The following CCSER1 variants were observed in gnomAD, a reference collection of about 807,000 sequenced individuals.
CCSER1 encodes serine-rich coiled-coil domain-containing protein 1.
Under a neutral mutation model 82.0 loss-of-function variants are expected in CCSER1, and 41 were observed. The observed-to-expected ratio is 0.50, with a 90% CI of 0.39 to 0.65. CCSER1 has a LOEUF of 0.65. CCSER1 is among the 30% of genes least tolerant of loss of function. The probability of loss-of-function intolerance (pLI) is 0.00; values close to 1 mark genes in which losing one functional copy is unlikely to be tolerated. For synonymous variants in CCSER1, 414 were observed against 383.9 expected (o/e 1.08, Z -0.92); for missense variants, 1,119 against 1,064.2 (o/e 1.05, Z -0.72).
At chr4:91,500,170 T>TA (rs1431257284) in intron 10 of CCSER1, among the ~76,000 whole-genome samples, 1 of 152,006 alleles carries the variant, frequency 6.6e-6, no homozygotes, top group East Asian at 1.9e-4. Flanking sequence ...GCCACTCTAT[T>TA]AAGTGTGTAG....
chr4:90,473,623 T>C (rs531524545), intron 5 of CCSER1, among the ~76,000 whole-genome samples: 8 of 152,340 alleles, frequency 5.3e-5, no homozygotes, highest in African/African-American at 1.7e-4. Context: ...TAGAGGGTAC[T>C]TAACACACAG....
chr4:90,718,838 GACGAGTCCCAT>G (rs1411637360), intron 6 of CCSER1, among the ~76,000 whole-genome samples: 1 of 152,080 alleles, frequency 6.6e-6, no homozygotes, highest in Non-Finnish European at 1.5e-5. Flanking sequence ...AGACAGTACA[GACGAGTCCCAT>G]AAACTCCTGA....
intron 8 of CCSER1, among the ~76,000 whole-genome samples, chr4:90,893,681 G>T (rs535484901): frequency 3.3e-5 from 5 of 151,542 alleles, no homozygotes; most frequent in Admixed American, 1.3e-4. Flanking sequence ...TCCTTATTTT[G>T]TTCTCAGCAT....
intron 10 of CCSER1, among the ~76,000 whole-genome samples, chr4:91,339,620 A>G (rs1248894735): frequency 6.6e-6 from 1 of 152,080 alleles, no homozygotes; most frequent in Non-Finnish European, 1.5e-5. Context: ...ATCCTCTCAG[A>G]TTTCAGTACC....
intron 9 of CCSER1, among the ~76,000 whole-genome samples, chr4:91,053,952 T>C (rs1480369986): frequency 6.6e-6 from 1 of 152,214 alleles, no homozygotes; most frequent in Non-Finnish European, 1.5e-5. Flanking sequence ...GAGGGACATG[T>C]GGATCAGTCC....
rs558795378 is a variant in CCSER1, at chr4:90,250,961, A to T, written c.-41-57283A>T. ...TTGTGAATGCTACTGTAAATGGAGG[A>T]CTATTTTCTTAACTCATTTTTAGAT... On this transcript the variant is annotated intron_variant, in intron 1 of 10. Transcript: ENST00000509176. Among the ~76,000 whole-genome samples, 4 of 151,886 alleles carry T rather than the reference A, an allele frequency of 2.6e-5. No homozygotes were observed. In the South Asian group the frequency reaches 8.3e-4, roughly 32 times the overall value.
rs9990949 is a variant in CCSER1, at chr4:90,224,290, G to A, written c.-41-83954G>A. On this transcript the variant is annotated intron_variant, in intron 1 of 10. Coordinates refer to ENST00000509176, the MANE Select transcript of CCSER1 (RefSeq NM_001145065.2). The stretch of plus-strand genomic sequence containing the variant: ...TGCATTTTATTCACTTTTTCCCAAT[G>A]CCCCTTTCTATTATCATTGCTTTGT... Among the ~76,000 whole-genome samples the A allele has an allele frequency of 6.8e-3, 1,041 of 152,228 alleles. 9 individuals are homozygous for A. Among genetic ancestry groups the A allele is most frequent in the African/African-American group, 0.024 (1,007 of 41,548 alleles).
At chr4:90,355,225 A>G (rs954554536) in intron 3 of CCSER1, among the ~76,000 whole-genome samples, 32 of 152,014 alleles carry the variant, frequency 2.1e-4, no homozygotes, top group African/African-American at 7.0e-4. Flanking sequence ...AATGGCACAC[A>G]TTCTTCCTAT....
At chr4:90,971,343 A>T (rs541836000) in intron 9 of CCSER1, among the ~76,000 whole-genome samples, 38 of 151,912 alleles carry the variant, frequency 2.5e-4, no homozygotes, top group Non-Finnish European at 2.5e-4. Flanking sequence ...ACACTTTTAA[A>T]CAACCAGATC....
At chr4:90,633,630 C>A (rs1390677104) in intron 6 of CCSER1, among the ~76,000 whole-genome samples, 1 of 151,916 alleles carries the variant, frequency 6.6e-6, no homozygotes, top group African/African-American at 2.4e-5. Context: ...ATTGCAATTT[C>A]AGAGGAAAAG....
intron 5 of CCSER1, among the ~76,000 whole-genome samples, chr4:90,550,386 T>A (rs577010654): frequency 1.3e-5 from 2 of 152,336 alleles, no homozygotes; most frequent in East Asian, 1.9e-4. Flanking sequence ...CTTTATTTAC[T>A]TAGTAATCCT....
At chr4:90,254,324 C>T (rs2153443753) in intron 1 of CCSER1, among the ~76,000 whole-genome samples, 1 of 152,272 alleles carries the variant, frequency 6.6e-6, no homozygotes, top group South Asian at 2.1e-4. Flanking sequence ...GGAAGTCGCT[C>T]ACTTCTCTAG....
chr4:90,293,425 A>G (rs1731287433), intron 1 of CCSER1, among the ~76,000 whole-genome samples: 1 of 151,498 alleles, frequency 6.6e-6, no homozygotes, highest in African/African-American at 2.4e-5. Flanking sequence ...AAAAGATTTA[A>G]TTTGTTAATA....
chr4:90,511,231 A>G (rs1477991172), intron 5 of CCSER1, among the ~76,000 whole-genome samples: 1 of 152,154 alleles, frequency 6.6e-6, no homozygotes, highest in Non-Finnish European at 1.5e-5. Flanking sequence ...CATCCTGGCC[A>G]ACATGGTGAA....
intron 1 of CCSER1, among the ~76,000 whole-genome samples, chr4:90,142,136 G>T (rs1724907336): frequency 6.6e-6 from 1 of 152,114 alleles, no homozygotes; most frequent in Non-Finnish European, 1.5e-5. Flanking sequence ...ATATGGATTT[G>T]TCTGCCTGGC....
intron 9 of CCSER1, among the ~76,000 whole-genome samples, chr4:90,943,729 A>ATTTTTTT (rs70965460): frequency 1.9e-4 from 13 of 68,852 alleles, no homozygotes; most frequent in South Asian, 5.4e-4. Flanking sequence ...TGCCAGGCTA[A>ATTTTTTT]TTTTTTTTTT....
At chr4:90,778,539 A>C (rs989672407) in intron 7 of CCSER1, among the ~76,000 whole-genome samples, 4 of 150,232 alleles carry the variant, frequency 2.7e-5, no homozygotes, top group African/African-American at 4.9e-5. Context: ...AAAAAAAAAA[A>C]ACACAAAAAG....
At position 90,882,154 on chromosome 4, in the gene CCSER1, C is replaced by G. The variant is rs114798780; in HGVS notation, c.2095-41216C>G. Among the ~76,000 whole-genome samples the G allele has an allele frequency of 4.9e-3, 747 of 152,106 alleles. 3 individuals are homozygous for G. The highest frequency in any genetic ancestry group is 7.6e-3 in the Non-Finnish European group (518 of 67,972). On this transcript the variant is annotated intron_variant, in intron 8 of 10. Coordinates refer to ENST00000509176, the MANE Select transcript of CCSER1 (RefSeq NM_001145065.2). ...TATAATATCAGCTAGTCACGTTATC[C>G]TCTTTCACAGTCCTTTATTTTTCTT... is the stretch of plus-strand genomic sequence containing the variant.
At chr4:91,238,352 G>C (rs1424774615) in intron 10 of CCSER1, among the ~76,000 whole-genome samples, 1 of 152,072 alleles carries the variant, frequency 6.6e-6, no homozygotes, top group Non-Finnish European at 1.5e-5. Context: ...GGGGACCTCA[G>C]TCATGTCGCT....
Sources: gnomAD v4.1 joint callset for allele counts (sites outside exome capture counted in the v4.1 genomes callset) on GRCh38, gnomAD v4.1.1 for gene constraint, MANE v1.5 for transcripts, NCBI Gene and HGNC (gene_info 2026-07-23, HGNC 2026-07-21) for gene names.